The following KIF4A variants were observed in gnomAD, a reference collection of about 807,000 sequenced individuals.
KIF4A encodes the protein kinesin family member 4A.
A neutral mutation model predicts 105.9 loss-of-function variants in KIF4A; 7 were observed. The observed-to-expected ratio is 0.07, with a 90% CI of 0.04 to 0.12. The LOEUF (loss-of-function observed/expected upper bound fraction) is 0.12. Among genes scored for constraint, KIF4A ranks in the 10% least tolerant of loss-of-function variants. KIF4A has a pLI of 1.00. For synonymous variants in KIF4A, 281 were observed against 331.3 expected (o/e 0.85, Z 1.65); for missense variants, 558 against 929.2 (o/e 0.60, Z 5.19).
intron 24 of KIF4A, among the ~76,000 whole-genome samples, chrX:70,404,472 A>G (rs1362750267): frequency 1.8e-5 from 2 of 110,783 alleles, no homozygotes; most frequent in African/African-American, 6.6e-5. Flanking sequence ...CCCGTGAGGC[A>G]GAGGTTGCTG....
At chrX:70,362,189 G>A (rs1217881107) in intron 15 of KIF4A, 3 of 286,127 alleles carry the variant, frequency 1.0e-5, no homozygotes, top group South Asian at 3.8e-5. Flanking sequence ...CCTCTGTGGG[G>A]TAGAGCAGGT....
Position 70,417,953 on chromosome X carries a change from T to A in KIF4A, c.3321T>A (p.Gly1107=). 1 of 1,211,073 alleles carries A rather than the reference T, an allele frequency of 8.3e-7. No individual in the cohort carries two copies. Among genetic ancestry groups the A allele is most frequent in the South Asian group, 1.8e-5 (1 of 56,814 alleles). ...GCAGGAAGCAAAAGTCAGACTGTGGTGTGGACTGTTGCTGTGACCCCACAA... is the reference window on the plus strand; with the variant it reads ...GCAGGAAGCAAAAGTCAGACTGTGGAGTGGACTGTTGCTGTGACCCCACAA... The part of the protein sequence containing the change: ...CGCRKQKSDC[G]VDCCCDPTKC... Residue 1107 remains glycine (G), a synonymous_variant, in exon 29 of 31, where the codon GGT becomes GGA. Transcript: ENST00000374403.
rs372851137 is a variant in KIF4A at position 70,395,835 on chromosome X, G to A, written c.2388+9G>A. On this transcript the variant is annotated intron_variant, in intron 21 of 30. Transcript: ENST00000374403. Reference sequence around the variant, plus strand: ...CACCTCCTAAACTCCGGGTAAGTACGCTTATGAAAAAATGTTGCCAATAAT... The same window carrying A: ...CACCTCCTAAACTCCGGGTAAGTACACTTATGAAAAAATGTTGCCAATAAT... 102 of 1,208,128 alleles carry A rather than the reference G, an allele frequency of 8.4e-5. No homozygotes were observed. The African/African-American group carries it at 1.5e-3, about 17-fold the overall frequency.
At chrX:70,364,895 G>C (rs2086094323) in intron 15 of KIF4A, among the ~76,000 whole-genome samples, 1 of 111,571 alleles carries the variant, frequency 9.0e-6, no homozygotes, top group Admixed American at 9.6e-5. Flanking sequence ...TCTTCCATTT[G>C]TTTGTATCCC....
chrX:70,334,582 A>G (rs1348313129), intron 10 of KIF4A, among the ~76,000 whole-genome samples: 6 of 112,589 alleles, frequency 5.3e-5, no homozygotes, highest in Admixed American at 4.7e-4. Context: ...AACACTTTCT[A>G]TGAAATAGAT....
chrX:70,309,868 C>T (rs971607736), intron 7 of KIF4A, among the ~76,000 whole-genome samples: 2 of 111,960 alleles, frequency 1.8e-5, no homozygotes, highest in Non-Finnish European at 3.8e-5. Context: ...ACATGGCAAA[C>T]CCTGTGTCTA....
intron 11 of KIF4A, 89 bp downstream of exon 11, chrX:70,342,020 C>G (rs2085974487): frequency 9.3e-7 from 1 of 1,073,768 alleles, no homozygotes; most frequent in Non-Finnish European, 1.3e-6. Context: ...TTATGAGAGA[C>G]AGGTTATATT....
intron 10 of KIF4A, among the ~76,000 whole-genome samples, chrX:70,340,883 C>T (rs899707282): frequency 2.7e-5 from 3 of 111,368 alleles, no homozygotes; most frequent in Non-Finnish European, 1.9e-5. Flanking sequence ...ATCAAATCTT[C>T]ATATTTCTTC....
chrX:70,376,787 A>G (rs1281825037), intron 18 of KIF4A, among the ~76,000 whole-genome samples: 7 of 112,342 alleles, frequency 6.2e-5, no homozygotes, highest in Non-Finnish European at 1.3e-4. Context: ...GTTTGAACTC[A>G]TTTTGTTAGT....
At chrX:70,339,021 C>G (rs1375715482) in intron 10 of KIF4A, among the ~76,000 whole-genome samples, 21 of 104,297 alleles carry the variant, frequency 2.0e-4, no homozygotes, top group Non-Finnish European at 3.9e-5. Context: ...GGAGGCGGAG[C>G]TTGCAGCGAG....
chrX:70,359,373 C>T (rs182986315), intron 15 of KIF4A, among the ~76,000 whole-genome samples: 1 of 110,892 alleles, frequency 9.0e-6, no homozygotes, highest in Admixed American at 9.7e-5. Context: ...TTCCTCCTTT[C>T]TTGTACTCTT....
intron 3 of KIF4A, among the ~76,000 whole-genome samples, chrX:70,296,365 A>G (rs962964296): frequency 4.5e-5 from 5 of 111,741 alleles, no homozygotes; most frequent in African/African-American, 1.6e-4. Flanking sequence ...GATTACAGGT[A>G]TGAGTCACGG....
chrX:70,359,330 A>G (rs2086064338), intron 15 of KIF4A, among the ~76,000 whole-genome samples: 1 of 111,039 alleles, frequency 9.0e-6, no homozygotes, highest in Non-Finnish European at 1.9e-5. Flanking sequence ...TTTCCAGGAT[A>G]AACAAAGGAT....
At chrX:70,349,191 AG>A (rs2086009963) in intron 13 of KIF4A, among the ~76,000 whole-genome samples, 1 of 99,756 alleles carries the variant, frequency 1.0e-5, no homozygotes, top group African/African-American at 3.8e-5. Flanking sequence ...CTCACTTCCC[AG>A]AGGGGGCGGC....
chrX:70,340,500 TC>T (rs2085968337), intron 10 of KIF4A, among the ~76,000 whole-genome samples: 1 of 112,245 alleles, frequency 8.9e-6, no homozygotes, highest in African/African-American at 3.2e-5. Flanking sequence ...TTGAAGCTTG[TC>T]AGCTTACATG....
At chrX:70,355,779 A>G (rs1457605265) in intron 15 of KIF4A, among the ~76,000 whole-genome samples, 1 of 111,440 alleles carries the variant, frequency 9.0e-6, no homozygotes, top group Non-Finnish European at 1.9e-5. Flanking sequence ...GCAGGATACC[A>G]GGGCCCAGTA....
chrX:70,385,044 C>A (rs1359224877), intron 18 of KIF4A, among the ~76,000 whole-genome samples: 1 of 110,680 alleles, frequency 9.0e-6, no homozygotes, highest in Non-Finnish European at 1.9e-5. Context: ...CTCAGATGAT[C>A]CACCCACCCC....
In KIF4A at chrX:70,419,911, G is replaced by A. The variant is rs760354680; in HGVS notation, c.3495+128G>A. The stretch of plus-strand genomic sequence containing the variant: ...ATCAGCTTGCTGGGAACTAGGGATC[G>A]GGCATAGACTCTAGTCTGGTTTTTT... On this transcript the variant is annotated intron_variant, in intron 30 of 30. Transcript: ENST00000374403. The A allele has an allele frequency of 1.5e-3, 1,571 of 1,016,742 alleles. 2 individuals carry two copies. Among genetic ancestry groups the A allele is most frequent in the Non-Finnish European group, 2.0e-3 (1,457 of 739,713 alleles). 83.8% of individuals were successfully genotyped at this position (1,016,742 alleles called of 1,213,427 possible).
chrX:70,296,785 G>C (rs1380024914), intron 3 of KIF4A, among the ~76,000 whole-genome samples: 1 of 112,054 alleles, frequency 8.9e-6, no homozygotes, highest in Non-Finnish European at 1.9e-5. Flanking sequence ...TTTTAGGGTT[G>C]GGTTTTGTTT....
Sources: gnomAD v4.1 joint callset for allele counts (sites outside exome capture counted in the v4.1 genomes callset) on GRCh38, gnomAD v4.1.1 for gene constraint, MANE v1.5 for transcripts, NCBI Gene and HGNC (gene_info 2026-07-23, HGNC 2026-07-21) for gene names.